The following AFF2 variants were observed in gnomAD, a reference collection of about 807,000 sequenced individuals.
The protein encoded by AFF2 is ALF transcription elongation factor 2.
In AFF2, 14 loss-of-function variants were observed where a neutral mutation model predicts 76.9. That is an observed-to-expected ratio of 0.18 (90% CI 0.12 to 0.28). AFF2 has a LOEUF of 0.28. AFF2 is among the 10% of genes least tolerant of loss of function. The probability of loss-of-function intolerance (pLI) is 1.00; values close to 1 mark genes in which losing one functional copy is unlikely to be tolerated. For synonymous variants in AFF2, 398 were observed against 366.7 expected (o/e 1.09, Z -0.98); for missense variants, 868 against 1,001.1 (o/e 0.87, Z 1.79).
At chrX:148,589,433 A>G (rs181001602) in intron 1 of AFF2, among the ~76,000 whole-genome samples, 1 of 112,528 alleles carries the variant, frequency 8.9e-6, no homozygotes, top group East Asian at 2.8e-4. Context: ...CATTTTCAGG[A>G]AAACACTGCA....
At chrX:148,853,550 C>A (rs957882983) in intron 7 of AFF2, among the ~76,000 whole-genome samples, 1 of 112,186 alleles carries the variant, frequency 8.9e-6, no homozygotes, top group Non-Finnish European at 1.9e-5. Flanking sequence ...CTCATTGGTT[C>A]TCTTTCCATG....
chrX:148,959,247 A>G (rs1234860409), intron 12 of AFF2, among the ~76,000 whole-genome samples: 2 of 111,917 alleles, frequency 1.8e-5, no homozygotes, highest in Non-Finnish European at 3.8e-5. Context: ...ATTGTGACCA[A>G]GTTATTTCTG....
chrX:148,894,326 G>A, intron 8 of AFF2, among the ~76,000 whole-genome samples: 1 of 111,388 alleles, frequency 9.0e-6, no homozygotes, highest in Non-Finnish European at 1.9e-5. Context: ...TCACCAGGCA[G>A]GCTGAAAACA....
intron 3 of AFF2, among the ~76,000 whole-genome samples, chrX:148,723,297 A>T: frequency 8.9e-6 from 1 of 112,036 alleles, no homozygotes; most frequent in Non-Finnish European, 1.9e-5. Flanking sequence ...ATGTAGATCA[A>T]AATATCTCTT....
At chrX:148,948,032 A>G (rs944475137) in intron 9 of AFF2, among the ~76,000 whole-genome samples, 4 of 112,020 alleles carry the variant, frequency 3.6e-5, no homozygotes, top group Non-Finnish European at 7.5e-5. Flanking sequence ...GAATCCTCCC[A>G]TGTACATTTC....
chrX:148,652,377 G>A (rs1444608276), intron 2 of AFF2, among the ~76,000 whole-genome samples: 1 of 111,487 alleles, frequency 9.0e-6, no homozygotes, highest in Non-Finnish European at 1.9e-5. Flanking sequence ...TGTCTCCAAT[G>A]AGCCCCTCTC....
At position 148,629,775 on chromosome X, in the gene AFF2, C is replaced by T. The variant is rs188828502; in HGVS notation, c.48-22224C>T. 6.7e-4 allele frequency among the ~76,000 whole-genome samples: 75 copies of T among 111,336 alleles called. 1 individual carries two copies. The highest frequency in any genetic ancestry group is 7.6e-4 in the South Asian group (2 of 2,624). On this transcript the variant is annotated intron_variant, in intron 1 of 20. Coordinates refer to ENST00000370460, the MANE Select transcript of AFF2 (RefSeq NM_002025.4). Reference sequence around the variant, plus strand: ...TTCTCAGGATTATCAGGCTCTAGTCCGGCTCCCTGTCAGGTATTTGAACCC... The same window carrying T: ...TTCTCAGGATTATCAGGCTCTAGTCTGGCTCCCTGTCAGGTATTTGAACCC...
intron 9 of AFF2, among the ~76,000 whole-genome samples, chrX:148,912,296 C>T (rs369417855): frequency 6.9e-4 from 77 of 112,181 alleles, no homozygotes; most frequent in African/African-American, 2.3e-3. Context: ...CCTCCACCCC[C>T]CCATCAGGCC....
chrX:148,756,707 A>G (rs1418977689), intron 3 of AFF2, among the ~76,000 whole-genome samples: 1 of 112,787 alleles, frequency 8.9e-6, no homozygotes, highest in Non-Finnish European at 1.9e-5. Flanking sequence ...GTTTGCAGCA[A>G]GCTTCCTCAC....
chrX:148,754,168 A>G (rs1246085129), intron 3 of AFF2, among the ~76,000 whole-genome samples: 2 of 111,672 alleles, frequency 1.8e-5, no homozygotes, highest in African/African-American at 6.5e-5. Context: ...GCACTAACAT[A>G]CAAAACACAT....
At chrX:148,950,879 A>G (rs1219020942) in intron 9 of AFF2, among the ~76,000 whole-genome samples, 1 of 111,734 alleles carries the variant, frequency 8.9e-6, no homozygotes, top group Admixed American at 9.5e-5. Context: ...AGTTCTGAGA[A>G]CCAATATTTT....
At chrX:148,975,861 G>A (rs782023223) in intron 16 of AFF2, among the ~76,000 whole-genome samples, 1,736 of 90,609 alleles carry the variant, frequency 0.019, 55 homozygotes, top group African/African-American at 0.064. Context: ...GGAGAATGGC[G>A]TGAACCCGGG....
intron 8 of AFF2, among the ~76,000 whole-genome samples, chrX:148,888,437 T>A (rs1187602204): frequency 8.9e-6 from 1 of 112,243 alleles, no homozygotes; most frequent in African/African-American, 3.2e-5. Context: ...ATTTTGGTTG[T>A]TTCCAACTTT....
chrX:148,770,059 G>A (rs190141109), intron 3 of AFF2, among the ~76,000 whole-genome samples: 231 of 111,431 alleles, frequency 2.1e-3, no homozygotes, highest in African/African-American at 7.1e-3. Flanking sequence ...TACTATATGC[G>A]AGTACTGTGC....
At chrX:148,899,658 G>A (rs1240396557) in intron 8 of AFF2, among the ~76,000 whole-genome samples, 4 of 111,755 alleles carry the variant, frequency 3.6e-5, no homozygotes, top group Non-Finnish European at 7.5e-5. Context: ...CTAGTAGAAT[G>A]AAAGGAAAAT....
chrX:148,848,840 G>A (rs1240358618), intron 7 of AFF2, among the ~76,000 whole-genome samples: 6 of 111,572 alleles, frequency 5.4e-5, no homozygotes, highest in African/African-American at 2.0e-4. Context: ...AACTTGTCTT[G>A]TATGCCCTGC....
chrX:148,746,151 C>T (rs1228381682), intron 3 of AFF2, among the ~76,000 whole-genome samples: 36 of 112,147 alleles, frequency 3.2e-4, no homozygotes, highest in Non-Finnish European at 5.6e-5. Flanking sequence ...GTTGAAACAG[C>T]TACTTTATTA....
At chrX:148,550,850 G>T (rs2052981592) in intron 1 of AFF2, among the ~76,000 whole-genome samples, 1 of 110,542 alleles carries the variant, frequency 9.0e-6, no homozygotes, top group Non-Finnish European at 1.9e-5. Context: ...ACAGTTTAAA[G>T]AACATGTATA....
intron 3 of AFF2, among the ~76,000 whole-genome samples, chrX:148,748,875 G>C (rs1209924999): frequency 8.9e-6 from 1 of 112,185 alleles, no homozygotes; most frequent in Non-Finnish European, 1.9e-5. Context: ...GTTAAGTACT[G>C]AATTAACTCC....
Sources: allele counts gnomAD v4.1 joint callset (sites outside exome capture counted in the v4.1 genomes callset), GRCh38; gene constraint gnomAD v4.1.1; transcripts MANE v1.5; gene names NCBI Gene and HGNC (gene_info 2026-07-23, HGNC 2026-07-21).